The following MCF2L2 variants were observed in gnomAD, a reference collection of about 807,000 sequenced individuals.
MCF2L2 encodes probable guanine nucleotide exchange factor MCF2L2.
Under a neutral mutation model 150.2 loss-of-function variants are expected in MCF2L2, and 102 were observed. That is an observed-to-expected ratio of 0.68 (90% confidence interval 0.58 to 0.80). The LOEUF (loss-of-function observed/expected upper bound fraction) is 0.80, where lower values mean the gene tolerates loss of function less well. Ranked by LOEUF, MCF2L2 falls within the 30% of genes least tolerant of loss-of-function variation. The probability of loss-of-function intolerance (pLI) is 0.00; values close to 1 mark genes in which losing one functional copy is unlikely to be tolerated. For missense variants in MCF2L2, 1,256 were observed against 1,372.8 expected (o/e 0.91, Z 1.34); for synonymous variants, 465 against 491.3 (o/e 0.95, Z 0.71).
chr3:183,276,583 G>T, intron 15 of MCF2L2: 1 of 339,040 alleles, frequency 2.9e-6, no homozygotes, highest in Non-Finnish European at 5.3e-6. Context: ...CAATAATTCA[G>T]TCAATATCAA....
intron 7 of MCF2L2, among the ~76,000 whole-genome samples, chr3:183,313,795 G>C (rs1729484297): frequency 6.6e-6 from 1 of 152,144 alleles, no homozygotes; most frequent in African/African-American, 2.4e-5. Context: ...TGCAGACAGG[G>C]TCCCGTTGGT....
At chr3:183,421,125 T>C (rs746926252) in intron 1 of MCF2L2, among the ~76,000 whole-genome samples, 1 of 152,252 alleles carries the variant, frequency 6.6e-6, no homozygotes, top group Non-Finnish European at 1.5e-5. Flanking sequence ...ACTTTCAGCA[T>C]TTTTACAATA....
chr3:183,380,988 T>C (rs187638494), intron 2 of MCF2L2, among the ~76,000 whole-genome samples: 5 of 152,346 alleles, frequency 3.3e-5, no homozygotes, highest in East Asian at 1.9e-4. Context: ...ATTAAGTTGT[T>C]TGACATGTTA....
At chr3:183,331,153 T>G (rs989530712) in intron 5 of MCF2L2, among the ~76,000 whole-genome samples, 1 of 152,166 alleles carries the variant, frequency 6.6e-6, no homozygotes, top group African/African-American at 2.4e-5. Flanking sequence ...CCAGGTGCCA[T>G]GTAACAAAGA....
At position 183,216,040 on chromosome 3, in the gene MCF2L2, A is replaced by G. The variant is rs1331840772; in HGVS notation, c.2425T>C (p.Leu809=). 1 of 1,613,982 alleles carries G rather than the reference A, an allele frequency of 6.2e-7. No individual in the cohort carries two copies. The highest frequency in any genetic ancestry group is 8.5e-7 in the Non-Finnish European group (1 of 1,179,922). The change falls in exon 22 of 30, where the codon TTG becomes CTG. Residue 809 remains leucine (L), a synonymous_variant. Transcript: ENST00000328913. ...TTGATCAAATCCTCTATCACTGCCA[A>G]AGCTTGTTGTAGTTCAGTTGAGAAT... is the stretch of plus-strand genomic sequence containing the variant. ...SAFSTELQQA[L]AVIEDLIKSC...
intron 3 of MCF2L2, chr3:183,378,144 C>T (rs1713300254): frequency 6.6e-6 from 1 of 152,352 alleles, no homozygotes; most frequent in Non-Finnish European, 1.5e-5. Context: ...AGTCACAAAG[C>T]TGCTGTTTAC....
At chr3:183,189,960 T>C (rs1436152246) in intron 27 of MCF2L2, among the ~76,000 whole-genome samples, 2 of 152,158 alleles carry the variant, frequency 1.3e-5, no homozygotes, top group Non-Finnish European at 2.9e-5. Context: ...TTCTTCCTTC[T>C]CTCAAATTCT....
intron 1 of MCF2L2, among the ~76,000 whole-genome samples, chr3:183,421,292 A>C (rs1715870141): frequency 6.6e-6 from 1 of 151,886 alleles, no homozygotes; most frequent in Non-Finnish European, 1.5e-5. Flanking sequence ...TTTACATTCC[A>C]TTTATATTAG....
intron 15 of MCF2L2, chr3:183,272,529 T>C (rs1206239748): frequency 1.0e-6 from 1 of 994,316 alleles, no homozygotes; most frequent in East Asian, 1.1e-4. Context: ...TTAATTTTTT[T>C]CTATTTTGAA....
chr3:183,265,580 T>C (rs1726026396), intron 15 of MCF2L2: 2 of 152,286 alleles, frequency 1.3e-5, no homozygotes. Context: ...GACTTGTAAT[T>C]GATCAATTTA....
In MCF2L2 at chr3:183,219,946, G is replaced by A. The variant is rs79685995; in HGVS notation, c.2302-22C>T. 5.9e-5 allele frequency: 93 copies of A among 1,581,622 alleles called. No homozygotes were observed. In the African/African-American group the frequency reaches 1.2e-3, roughly 20 times the overall value. ...GACCCTGCATTAACCCAAAAGTCTT[G>A]TTGAAAATTAAAATGTACATTGCCA... On this transcript the variant is annotated intron_variant, in intron 20 of 29. Transcript: ENST00000328913.
chr3:183,359,353 A>G (rs1467691395), intron 3 of MCF2L2, among the ~76,000 whole-genome samples: 2 of 152,250 alleles, frequency 1.3e-5, no homozygotes, highest in East Asian at 3.8e-4. Flanking sequence ...CACCAGGGAC[A>G]TCCTTTCTGA....
chr3:183,202,763 C>T (rs181343362), intron 25 of MCF2L2, among the ~76,000 whole-genome samples: 245 of 152,330 alleles, frequency 1.6e-3, no homozygotes, highest in African/African-American at 5.4e-3. Flanking sequence ...TAAACAGCAA[C>T]ACCAACAAAC....
chr3:183,331,278 C>A (rs1730262328), intron 5 of MCF2L2, among the ~76,000 whole-genome samples: 1 of 152,170 alleles, frequency 6.6e-6, no homozygotes, highest in African/African-American at 2.4e-5. Flanking sequence ...TTTCCTCTGC[C>A]TCCTTCTTCT....
At chr3:183,395,920 A>G (rs1474176683) in intron 1 of MCF2L2, among the ~76,000 whole-genome samples, 4 of 126,828 alleles carry the variant, frequency 3.2e-5, no homozygotes, top group African/African-American at 1.1e-4. Context: ...ATCGTCTCAA[A>G]AAAAAAAAAA....
chr3:183,199,453 G>A (rs1192751355), intron 25 of MCF2L2, among the ~76,000 whole-genome samples: 1 of 152,088 alleles, frequency 6.6e-6, no homozygotes, highest in African/African-American at 2.4e-5. Flanking sequence ...AAAGGATAAA[G>A]CCTGCTTAAA....
At chr3:183,303,504 T>G (rs1728955562) in intron 10 of MCF2L2, among the ~76,000 whole-genome samples, 1 of 152,176 alleles carries the variant, frequency 6.6e-6, no homozygotes, top group Admixed American at 6.5e-5. Flanking sequence ...TAACTCCAGG[T>G]GCGTACATCT....
intron 15 of MCF2L2, among the ~76,000 whole-genome samples, chr3:183,258,646 C>A (rs1428002141): frequency 1.3e-5 from 2 of 152,196 alleles, no homozygotes; most frequent in African/African-American, 4.8e-5. Context: ...ACACCACCCC[C>A]CCGCCCCTGA....
chr3:183,189,726 T>G (rs890581720), intron 27 of MCF2L2, among the ~76,000 whole-genome samples: 16 of 152,240 alleles, frequency 1.1e-4, no homozygotes, highest in Non-Finnish European at 1.5e-4. Context: ...CCTACTTAAC[T>G]AAATCTACGG....
Sources: gnomAD v4.1 joint callset for allele counts (sites outside exome capture counted in the v4.1 genomes callset) on GRCh38, gnomAD v4.1.1 for gene constraint, MANE v1.5 for transcripts, NCBI Gene and HGNC (gene_info 2026-07-23, HGNC 2026-07-21) for gene names.